The following MAMDC2 variants were observed in gnomAD, a reference collection of about 807,000 sequenced individuals.
MAMDC2 encodes the protein MAM domain containing 2, also known as MAM domain-containing protein 2.
A neutral mutation model predicts 89.8 loss-of-function variants in MAMDC2; 57 were observed. The observed-to-expected ratio is 0.63, with a 90% confidence interval of 0.51 to 0.79. The LOEUF is 0.79. Ranked by LOEUF, MAMDC2 falls within the 30% of genes least tolerant of loss-of-function variation. The pLI is 0.00. For missense variants in MAMDC2, 800 were observed against 820.6 expected, an observed-to-expected ratio of 0.97 and a Z score of 0.31; for synonymous variants, 313 against 293.4, an observed-to-expected ratio of 1.07 and a Z score of -0.68.
rs551611545 is a variant in MAMDC2 at position 70,208,708 on chromosome 9, T to C, written c.1652-9629T>C. Among the ~76,000 whole-genome samples, 645 of 152,066 alleles carry C rather than the reference T, an allele frequency of 4.2e-3. 5 individuals carry two copies. The highest frequency in any genetic ancestry group is 0.013 in the African/African-American group (559 of 41,472). On this transcript the variant is annotated intron_variant, in intron 11 of 13. Coordinates refer to ENST00000377182, the MANE Select transcript of MAMDC2 (RefSeq NM_153267.5). ...GGTGAGAGAGGGCATCCCTGTCTTG[T>C]GCCAGTTTTCAAAGGGAATGCTTCC... is the stretch of plus-strand genomic sequence containing the variant.
intron 2 of MAMDC2, among the ~76,000 whole-genome samples, chr9:70,045,727 C>T (rs1826733640): frequency 6.6e-6 from 1 of 152,160 alleles, no homozygotes; most frequent in Non-Finnish European, 1.5e-5. Context: ...CTCTGACCCT[C>T]ACAGGTAGGT....
intron 9 of MAMDC2, 198 bp from the exon 10 acceptor site, chr9:70,168,504 T>C: frequency 2.0e-6 from 1 of 510,830 alleles, no homozygotes; most frequent in Non-Finnish European, 3.5e-6. Flanking sequence ...AAATTAACAA[T>C]AATAATAAAA....
At chr9:70,155,172 C>T (rs930199615) in intron 9 of MAMDC2, among the ~76,000 whole-genome samples, 1 of 152,168 alleles carries the variant, frequency 6.6e-6, no homozygotes, top group African/African-American at 2.4e-5. Context: ...ACTGTCCCCT[C>T]CATTCTGCTG....
At chr9:70,208,908 G>A (rs1032877873) in intron 11 of MAMDC2, among the ~76,000 whole-genome samples, 5 of 151,372 alleles carry the variant, frequency 3.3e-5, no homozygotes, top group Non-Finnish European at 7.4e-5. Context: ...TTTGTCTTTG[G>A]TTCTGTTTAT....
At chr9:70,203,474 TG>T (rs1180807795) in intron 11 of MAMDC2, among the ~76,000 whole-genome samples, 2 of 140,784 alleles carry the variant, frequency 1.4e-5, no homozygotes, top group Non-Finnish European at 3.1e-5. Context: ...CCTTTCTCTC[TG>T]GCTGCCCTTA....
At chr9:70,207,932 A>G (rs1419675741) in intron 11 of MAMDC2, among the ~76,000 whole-genome samples, 1 of 152,206 alleles carries the variant, frequency 6.6e-6, no homozygotes, top group Non-Finnish European at 1.5e-5. Flanking sequence ...GTCAAAGATC[A>G]GATGGTTGTA....
chr9:70,112,998 G>A lies in MAMDC2; in HGVS notation c.509G>A (p.Cys170Tyr). The A allele has an allele frequency of 6.2e-7, 1 of 1,614,104 alleles. No individual in the cohort carries two copies. The highest frequency in any genetic ancestry group is 8.5e-7 in the Non-Finnish European group (1 of 1,179,978). The change falls in exon 5 of 14, where the codon TGT (cysteine) becomes TAT (tyrosine). Residue 170 changes from cysteine to tyrosine, a missense_variant. By Grantham distance (194) the Cys-to-Tyr change is radical. Coordinates refer to ENST00000377182, the MANE Select transcript of MAMDC2 (RefSeq NM_153267.5). Reference protein sequence around the residue: ...IKMTTGYCIECDFEENHLCGF... With the variant: ...IKMTTGYCIEYDFEENHLCGF... ...TGTTTTTGTTTCCCTTCCCCAGAAT[G>A]TGACTTTGAAGAAAATCATCTCTGT...
At chr9:70,133,394 C>T (rs1342910001) in intron 7 of MAMDC2, among the ~76,000 whole-genome samples, 3 of 152,194 alleles carry the variant, frequency 2.0e-5, no homozygotes, top group African/African-American at 7.2e-5. Context: ...AAGAAACGTT[C>T]CAGCAAAACA....
intron 2 of MAMDC2, among the ~76,000 whole-genome samples, chr9:70,052,529 C>T (rs1031136655): frequency 6.6e-6 from 1 of 152,194 alleles, no homozygotes; most frequent in African/African-American, 2.4e-5. Context: ...ACCCTCCCTT[C>T]CCATGGCTCT....
chr9:70,145,170 C>A lies in MAMDC2; in HGVS notation c.1404+1351C>A, dbSNP rs567778679. 1.1e-4 allele frequency among the ~76,000 whole-genome samples: 17 copies of A among 152,234 alleles called. No individual in the cohort carries two copies. In the South Asian group the frequency reaches 3.5e-3, roughly 32 times the overall value. Reference sequence around the variant, plus strand: ...GAAACGGCTTCTTATTATTTGTATGCGAATTAAGTAGATAGTGTTGTAAGT... The same window carrying A: ...GAAACGGCTTCTTATTATTTGTATGAGAATTAAGTAGATAGTGTTGTAAGT... On this transcript the variant is annotated intron_variant, in intron 9 of 13. Transcript: ENST00000377182.
chr9:70,217,180 C>G, intron 11 of MAMDC2: 1 of 698,926 alleles, frequency 1.4e-6, no homozygotes, highest in Non-Finnish European at 2.6e-6. Flanking sequence ...TTTCTCTTCC[C>G]GTGGAGCCGT....
intron 5 of MAMDC2, among the ~76,000 whole-genome samples, chr9:70,115,189 T>C (rs1484785749): frequency 6.6e-6 from 1 of 152,134 alleles, no homozygotes; most frequent in African/African-American, 2.4e-5. Flanking sequence ...ACAGAGATTA[T>C]TTCAATAGAT....
chr9:70,215,066 A>T (rs2033419492), intron 11 of MAMDC2, among the ~76,000 whole-genome samples: 1 of 152,218 alleles, frequency 6.6e-6, no homozygotes. Flanking sequence ...CAAGGAAGTA[A>T]GAATAGCGAA....
At chr9:70,093,473 G>A (rs1170891446) in intron 2 of MAMDC2, among the ~76,000 whole-genome samples, 6 of 149,054 alleles carry the variant, frequency 4.0e-5, no homozygotes, top group African/African-American at 1.5e-4. Flanking sequence ...TGCCCAGGCT[G>A]GAGTGGCAGT....
chr9:70,208,736 T>A (rs4378027), intron 11 of MAMDC2, among the ~76,000 whole-genome samples: 1 of 151,546 alleles, frequency 6.6e-6, no homozygotes, highest in Non-Finnish European at 1.5e-5. Flanking sequence ...ATGCTTCCAG[T>A]TTTTGTCCAT....
At chr9:70,173,511 G>T (rs2032413620) in intron 11 of MAMDC2, among the ~76,000 whole-genome samples, 1 of 152,170 alleles carries the variant, frequency 6.6e-6, no homozygotes, top group Non-Finnish European at 1.5e-5. Context: ...CAAGAGGATT[G>T]AAGTCAAGAA....
At chr9:70,185,569 C>T (rs2032736592) in intron 11 of MAMDC2, among the ~76,000 whole-genome samples, 1 of 152,182 alleles carries the variant, frequency 6.6e-6, no homozygotes, top group African/African-American at 2.4e-5. Context: ...GCCTTTCTTT[C>T]AGAGATCCTG....
At chr9:70,137,188 T>C (rs2031043086) in intron 7 of MAMDC2, among the ~76,000 whole-genome samples, 1 of 152,176 alleles carries the variant, frequency 6.6e-6, no homozygotes, top group Admixed American at 6.5e-5. Context: ...TTTAATTTTC[T>C]ATCATTTCAA....
At chr9:70,099,491 T>G in intron 2 of MAMDC2, among the ~76,000 whole-genome samples, 1 of 152,172 alleles carries the variant, frequency 6.6e-6, no homozygotes, top group East Asian at 1.9e-4. Context: ...TTGCAGAAAC[T>G]TCATGAACAT....
Sources: allele counts gnomAD v4.1 joint callset (sites outside exome capture counted in the v4.1 genomes callset), GRCh38; gene constraint gnomAD v4.1.1; transcripts MANE v1.5; gene names NCBI Gene and HGNC (gene_info 2026-07-23, HGNC 2026-07-21).